The following FLRT1 variants were observed in gnomAD, a reference collection of about 807,000 sequenced individuals.
FLRT1 encodes leucine-rich repeat transmembrane protein FLRT1.
In FLRT1, 14 loss-of-function variants were observed where a neutral mutation model predicts 30.9. The ratio of observed to expected loss-of-function variants is 0.45; its 90% CI spans 0.30 to 0.71. The LOEUF (loss-of-function observed/expected upper bound fraction) is 0.71. Ranked by LOEUF, FLRT1 falls within the 30% of genes least tolerant of loss-of-function variation. FLRT1 has a pLI of 0.08. For missense variants in FLRT1, 737 were observed against 949.2 expected, an observed-to-expected ratio of 0.78 and a Z score of 2.94; for synonymous variants, 368 against 430.4, an observed-to-expected ratio of 0.85 and a Z score of 1.80.
chr11:64,062,203 A>G (rs986314002), intron 1 of FLRT1, among the ~76,000 whole-genome samples: 2 of 151,958 alleles, frequency 1.3e-5, no homozygotes, highest in African/African-American at 4.8e-5. Context: ...CTGCCACACT[A>G]TGAGGGTTCC....
Position 64,116,332 on chromosome 11 carries a change from T to C in FLRT1, c.65T>C (p.Val22Ala). The C allele has an allele frequency of 6.2e-7, 1 of 1,611,230 alleles. No homozygotes were observed. The highest frequency in any genetic ancestry group is 8.5e-7 in the Non-Finnish European group (1 of 1,179,220). The change falls in exon 3 of 3, where the codon GTT becomes GCT. Residue 22 changes from valine to alanine, a missense_variant. Val to Ala is a moderately conservative substitution (Grantham distance 64, BLOSUM62 0). Coordinates refer to ENST00000682287, the MANE Select transcript of FLRT1 (RefSeq NM_013280.5). ...CCCACTGCCACTGTCACGGCCACCG[T>C]TGTGATGACCACGGCCACCATGGAC... ...TTPTATVTAT[V>A]VMTTATMDLR...
chr11:64,048,770 G>T (rs1943634616), intron 1 of FLRT1, among the ~76,000 whole-genome samples: 1 of 152,192 alleles, frequency 6.6e-6, no homozygotes. Flanking sequence ...TCTAAGGGCG[G>T]AGCTGGATCC....
In FLRT1 at chr11:64,047,318, C is replaced by T. The variant is rs577342036; in HGVS notation, c.-1038+11159C>T. ...GTACAACAGCCCTGGGAGTGGGTAGCGTGAGCCCATTTTAAGAAGGCGAAA... is the reference window on the plus strand; with the variant it reads ...GTACAACAGCCCTGGGAGTGGGTAGTGTGAGCCCATTTTAAGAAGGCGAAA... On this transcript the variant is annotated intron_variant, in intron 1 of 2. Transcript: ENST00000682287. Among the ~76,000 whole-genome samples the T allele has an allele frequency of 2.0e-5, 3 of 152,112 alleles. No individual in the cohort carries two copies. In the South Asian group the frequency reaches 6.2e-4, roughly 32 times the overall value.
chr11:64,051,070 C>A (rs1419377220), intron 1 of FLRT1, among the ~76,000 whole-genome samples: 3 of 152,238 alleles, frequency 2.0e-5, no homozygotes, highest in Admixed American at 6.5e-5. Flanking sequence ...TTGTGCCCCA[C>A]CGATCTGGAG....
chr11:64,041,199 TAAAAAA>T (rs71045724), intron 1 of FLRT1, among the ~76,000 whole-genome samples: 4 of 21,606 alleles, frequency 1.9e-4, no homozygotes, highest in Non-Finnish European at 2.6e-4. Flanking sequence ...TAGCAAACTG[TAAAAAA>T]AAAAAAAAAA....
intron 1 of FLRT1, among the ~76,000 whole-genome samples, chr11:64,093,063 C>T (rs1350616428): frequency 6.6e-6 from 1 of 152,148 alleles, no homozygotes; most frequent in East Asian, 1.9e-4. Context: ...AGTGAGTTTG[C>T]ATCCAGGCTC....
At chr11:64,100,189 C>A (rs1233046573) in intron 1 of FLRT1, among the ~76,000 whole-genome samples, 4 of 152,204 alleles carry the variant, frequency 2.6e-5, no homozygotes, top group Non-Finnish European at 4.4e-5. Flanking sequence ...GCAGAAATTA[C>A]TGGGAAAGGA....
intron 1 of FLRT1, among the ~76,000 whole-genome samples, chr11:64,080,737 G>A (rs1367960141): frequency 6.6e-6 from 1 of 152,172 alleles, no homozygotes; most frequent in African/African-American, 2.4e-5. Context: ...GAGGGGACAG[G>A]CCCCCGGCTG....
intron 1 of FLRT1, among the ~76,000 whole-genome samples, chr11:64,073,252 G>A (rs942586007): frequency 1.3e-5 from 2 of 152,152 alleles, no homozygotes; most frequent in African/African-American, 2.4e-5. Flanking sequence ...CTGGGTACCC[G>A]CTCTGTGCTG....
At chr11:64,058,420 C>G (rs1209785614) in intron 1 of FLRT1, among the ~76,000 whole-genome samples, 1 of 152,244 alleles carries the variant, frequency 6.6e-6, no homozygotes, top group Non-Finnish European at 1.5e-5. Context: ...GGGTCCTCCC[C>G]TGTATGCCAG....
intron 1 of FLRT1, among the ~76,000 whole-genome samples, chr11:64,048,734 A>G (rs1012085704): frequency 6.6e-6 from 1 of 152,212 alleles, no homozygotes; most frequent in Non-Finnish European, 1.5e-5. Flanking sequence ...CTGCAGGGTT[A>G]GGAAATTCAA....
intron 1 of FLRT1, among the ~76,000 whole-genome samples, chr11:64,048,032 G>A (rs534130925): frequency 6.6e-6 from 1 of 152,324 alleles, no homozygotes; most frequent in Admixed American, 6.5e-5. Context: ...TTCAGAGTGG[G>A]GATGCTGGCA....
rs540483585 is a variant in FLRT1, at chr11:64,075,669, C to T, written c.-1037-27525C>T. 2.8e-4 allele frequency among the ~76,000 whole-genome samples: 42 copies of T among 152,368 alleles called. 1 individual carries two copies. Among genetic ancestry groups the T allele is most frequent in the African/African-American group, 8.4e-4 (35 of 41,582 alleles). On this transcript the variant is annotated intron_variant, in intron 1 of 2. Transcript: ENST00000682287. ...AGGGGGACCCCGAATCTGGCCCTGG[C>T]TGCTGCTGCTTCTTTTTTTTGAGAT...
At chr11:64,069,345 G>A (rs1944063642) in intron 1 of FLRT1, among the ~76,000 whole-genome samples, 1 of 152,200 alleles carries the variant, frequency 6.6e-6, no homozygotes, top group African/African-American at 2.4e-5. Context: ...GGGCACAGGA[G>A]GCTGCCAGAG....
intron 1 of FLRT1, among the ~76,000 whole-genome samples, chr11:64,084,706 C>T (rs1171526420): frequency 2.0e-5 from 3 of 152,178 alleles, no homozygotes; most frequent in South Asian, 2.1e-4. Context: ...GGGCTGTCCA[C>T]GTGCCCGTGC....
At chr11:64,039,313 T>C (rs976679909) in intron 1 of FLRT1, among the ~76,000 whole-genome samples, 2 of 152,138 alleles carry the variant, frequency 1.3e-5, no homozygotes, top group African/African-American at 4.8e-5. Flanking sequence ...TAGCTTTCCC[T>C]GCTCACTGGC....
In FLRT1 at chr11:64,117,590, C is replaced by T; in HGVS notation, c.1323C>T (p.Ile441=). The T allele has an allele frequency of 6.2e-6, 10 of 1,612,456 alleles. No homozygotes were observed. The highest frequency in any genetic ancestry group is 7.6e-6 in the Non-Finnish European group (9 of 1,179,076). Residue 441 remains isoleucine, a synonymous_variant, in exon 3 of 3, where the codon ATC becomes ATT. Coordinates refer to ENST00000682287, the MANE Select transcript of FLRT1 (RefSeq NM_013280.5). ...ATGDGAKTLA[I]HVKALTADSI... Reference sequence around the variant, plus strand: ...GTGATGGCGCCAAGACCCTGGCCATCCACGTGAAGGCCCTGACGGCAGACT... The same window carrying T: ...GTGATGGCGCCAAGACCCTGGCCATTCACGTGAAGGCCCTGACGGCAGACT...
chr11:64,092,286 G>A (rs1944504442), intron 1 of FLRT1, among the ~76,000 whole-genome samples: 2 of 152,236 alleles, frequency 1.3e-5, no homozygotes, highest in African/African-American at 4.8e-5. Flanking sequence ...CATATGGGGA[G>A]AATTAGTATT....
intron 1 of FLRT1, among the ~76,000 whole-genome samples, chr11:64,052,423 A>G (rs1376980985): frequency 1.3e-5 from 2 of 152,160 alleles, no homozygotes; most frequent in Admixed American, 6.5e-5. Context: ...GCGATCTTCC[A>G]TCTTAGTCTC....
Sources: gnomAD v4.1 joint callset for allele counts (sites outside exome capture counted in the v4.1 genomes callset) on GRCh38, gnomAD v4.1.1 for gene constraint, MANE v1.5 for transcripts, NCBI Gene and HGNC (gene_info 2026-07-23, HGNC 2026-07-21) for gene names.